RANBP17: variants seen among roughly 807,000 people sequenced by gnomAD.
RANBP17 encodes RAN binding protein 17, also known as ran-binding protein 17.
A neutral mutation model predicts 141.2 loss-of-function variants in RANBP17; 158 were observed. That is an observed-to-expected ratio of 1.12 (90% CI 0.98 to 1.28). RANBP17 has a LOEUF of 1.28. RANBP17 is among the 50% of genes most tolerant of loss of function. The pLI is 0.00. For missense variants in RANBP17, 1,438 were observed against 1,290.7 expected, an observed-to-expected ratio of 1.11 and a Z score of -1.75; for synonymous variants, 430 against 450.0, an observed-to-expected ratio of 0.96 and a Z score of 0.56.
At position 171,271,374 on chromosome 5, in the gene RANBP17, C is replaced by T. The variant is rs184621347; in HGVS notation, c.2943+5527C>T. On this transcript the variant is annotated intron_variant, in intron 25 of 27. Coordinates refer to ENST00000523189, the MANE Select transcript of RANBP17 (RefSeq NM_022897.5). ...TTGCTCAACATTTTGACATACTAACCAAGACATCTTTCATACTTAAGATTC... is the reference window on the plus strand; with the variant it reads ...TTGCTCAACATTTTGACATACTAACTAAGACATCTTTCATACTTAAGATTC... 6 of 211,296 alleles carry T rather than the reference C, an allele frequency of 2.8e-5. No homozygotes were observed. The East Asian group carries it at 4.2e-4, about 15-fold the overall frequency. The allele number at this position is 211,296 out of a possible 1,614,324, so 13.1% of individuals were successfully genotyped here.
chr5:170,936,899 T>TA (rs1773923454), intron 12 of RANBP17, among the ~76,000 whole-genome samples: 1 of 152,210 alleles, frequency 6.6e-6, no homozygotes. Flanking sequence ...ATGTCTTCCT[T>TA]ATTGACCTTT....
At chr5:171,282,950 A>T (rs570555713) in intron 25 of RANBP17, among the ~76,000 whole-genome samples, 13 of 152,092 alleles carry the variant, frequency 8.5e-5, no homozygotes, top group Admixed American at 4.6e-4. Context: ...AACCTATGTA[A>T]TCACCCTCAT....
chr5:171,218,814 T>G (rs541779039), intron 21 of RANBP17, among the ~76,000 whole-genome samples: 1 of 152,208 alleles, frequency 6.6e-6, no homozygotes, highest in African/African-American at 2.4e-5. Context: ...GAGATGGGTC[T>G]CCTGAATACA....
intron 14 of RANBP17, among the ~76,000 whole-genome samples, chr5:171,089,665 G>A (rs1164521923): frequency 4.6e-5 from 7 of 152,312 alleles, no homozygotes; most frequent in African/African-American, 7.2e-5. Context: ...CTCGTGGTGC[G>A]CCGTTTTTTA....
chr5:170,982,229 T>C (rs558329047), intron 14 of RANBP17, among the ~76,000 whole-genome samples: 26 of 146,590 alleles, frequency 1.8e-4, no homozygotes, highest in Admixed American at 4.9e-4. Flanking sequence ...GATATAGATA[T>C]AGATATATAG....
intron 5 of RANBP17, chr5:170,904,199 G>A: frequency 3.5e-6 from 1 of 287,130 alleles, no homozygotes; most frequent in Non-Finnish European, 7.0e-6. Flanking sequence ...CCCTCCTGTG[G>A]ACCATTTTTA....
chr5:171,147,174 A>G (rs1367173752), intron 14 of RANBP17, among the ~76,000 whole-genome samples: 4 of 152,160 alleles, frequency 2.6e-5, no homozygotes, highest in Admixed American at 2.0e-4. Context: ...ACAAAGAATT[A>G]TCTGACCTTC....
intron 6 of RANBP17, 34 bp downstream of exon 6, chr5:170,909,799 A>C (rs1463929837): frequency 9.2e-7 from 1 of 1,081,456 alleles, no homozygotes; most frequent in Admixed American, 2.0e-5. Flanking sequence ...TCCTAGTTAG[A>C]ATATTTGGGA....
At chr5:171,193,010 C>T (rs1046711670) in intron 18 of RANBP17, among the ~76,000 whole-genome samples, 2 of 152,218 alleles carry the variant, frequency 1.3e-5, no homozygotes, top group African/African-American at 2.4e-5. Flanking sequence ...CTTAATGAAG[C>T]ATTGGGAAAT....
chr5:171,062,158 C>T (rs1029565356), intron 14 of RANBP17, among the ~76,000 whole-genome samples: 11 of 151,836 alleles, frequency 7.2e-5, no homozygotes, highest in East Asian at 1.9e-4. Context: ...AGTCCATTTA[C>T]ATTTAAAGTT....
Position 171,242,773 on chromosome 5 carries a change from T to C in RANBP17, c.2729T>C (p.Val910Ala), listed in dbSNP as rs1581102855. The C allele has an allele frequency of 6.2e-7, 1 of 1,613,652 alleles. No homozygotes were observed. The highest frequency in any genetic ancestry group is 8.5e-7 in the Non-Finnish European group (1 of 1,179,602). ...MSFIINLEPP[V>A]LMYVLTSISE... ...TTCATCATCAACTTAGAGCCTCCTGTACTCATGTATGTTCTCACATCTATC... is the reference window on the plus strand; with the variant it reads ...TTCATCATCAACTTAGAGCCTCCTGCACTCATGTATGTTCTCACATCTATC... The change falls in exon 24 of 28, where the codon GTA (valine) becomes GCA (alanine). Residue 910 changes from valine to alanine, a missense_variant. By Grantham distance (64) the Val-to-Ala change is moderately conservative. Coordinates refer to ENST00000523189, the MANE Select transcript of RANBP17 (RefSeq NM_022897.5).
chr5:171,267,605 G>A (rs1018576795), intron 25 of RANBP17, among the ~76,000 whole-genome samples: 2 of 152,132 alleles, frequency 1.3e-5, no homozygotes, highest in Non-Finnish European at 1.5e-5. Context: ...TCAGGAGTTC[G>A]AGACCAGCCT....
At chr5:171,179,272 T>C (rs1760727746) in intron 16 of RANBP17, among the ~76,000 whole-genome samples, 1 of 152,174 alleles carries the variant, frequency 6.6e-6, no homozygotes. Flanking sequence ...TTTTGGCCTA[T>C]ATAGTCTCCC....
intron 14 of RANBP17, among the ~76,000 whole-genome samples, chr5:171,113,033 T>C (rs780726343): frequency 6.6e-6 from 1 of 152,126 alleles, no homozygotes; most frequent in Non-Finnish European, 1.5e-5. Context: ...ATAGAGTAGA[T>C]ACTTAATAAA....
chr5:171,244,217 C>A (rs375167537), intron 24 of RANBP17, among the ~76,000 whole-genome samples: 239 of 151,982 alleles, frequency 1.6e-3, no homozygotes, highest in African/African-American at 5.4e-3. Flanking sequence ...CATGGTGAAA[C>A]CCTGTCTCTA....
chr5:170,904,158 T>C (rs889957372), intron 5 of RANBP17: 1 of 329,456 alleles, frequency 3.0e-6, no homozygotes, highest in South Asian at 3.6e-5. Flanking sequence ...ACAATTTGTC[T>C]CCTGAAATCA....
intron 14 of RANBP17, among the ~76,000 whole-genome samples, chr5:171,058,758 A>G (rs1263922996): frequency 6.6e-6 from 1 of 150,814 alleles, no homozygotes; most frequent in Admixed American, 6.6e-5. Flanking sequence ...CAATGGTTGA[A>G]CTAGTTCACA....
At chr5:171,155,960 A>T (rs1167157636) in intron 14 of RANBP17, among the ~76,000 whole-genome samples, 1 of 152,162 alleles carries the variant, frequency 6.6e-6, no homozygotes, top group African/African-American at 2.4e-5. Context: ...AAATGCCCTG[A>T]TTAATTTAAC....
At position 171,182,999 on chromosome 5, in the gene RANBP17, T is replaced by C. The variant is rs774942110; in HGVS notation, c.1866-168T>C. Among the ~76,000 whole-genome samples, 34 of 152,202 alleles carry C rather than the reference T, an allele frequency of 2.2e-4. 1 individual carries two copies. The highest frequency in any genetic ancestry group is 1.6e-3 in the Admixed American group (24 of 15,284). ...AAAAAGTAATTGCATTGGTTAATAA[T>C]AGATTATCATTCTTAACAGAAGGAA... On this transcript the variant is annotated intron_variant, in intron 16 of 27. Transcript: ENST00000523189.
Sources: allele counts gnomAD v4.1 joint callset (sites outside exome capture counted in the v4.1 genomes callset), GRCh38; gene constraint gnomAD v4.1.1; transcripts MANE v1.5; gene names NCBI Gene and HGNC (gene_info 2026-07-23, HGNC 2026-07-21).